The following UBE2D3 variants were observed in gnomAD, a reference collection of about 807,000 sequenced individuals.
The protein encoded by UBE2D3 is ubiquitin conjugating enzyme E2 D3.
A neutral mutation model predicts 22.8 loss-of-function variants in UBE2D3; 2 were observed. The ratio of observed to expected loss-of-function variants is 0.09; its 90% confidence interval spans 0.04 to 0.28. The LOEUF is 0.28. Among genes scored for constraint, UBE2D3 ranks in the 10% least tolerant of loss-of-function variants. The pLI is 1.00. For synonymous variants in UBE2D3, 56 were observed against 60.4 expected (o/e 0.93, Z 0.34); for missense variants, 27 against 182.5 (o/e 0.15, Z 4.91).
chr4:102,849,836 AG>A (rs1732251193), intron 1 of UBE2D3, among the ~76,000 whole-genome samples: 1 of 152,182 alleles, frequency 6.6e-6, no homozygotes. Flanking sequence ...GAGCAGTGAC[AG>A]GGGACGGGGG....
upstream of UBE2D3, among the ~76,000 whole-genome samples, chr4:102,828,635 C>G (rs66859883): frequency 6.6e-6 from 1 of 152,186 alleles, no homozygotes; most frequent in East Asian, 1.9e-4. Context: ...CAAACTTTAG[C>G]TTCTGTTGCT....
exon 1 of UBE2D3, chr4:102,868,839 G>A: frequency 6.3e-7 from 1 of 1,575,706 alleles, no homozygotes. Flanking sequence ...ACCTTCACAC[G>A]AGATTCCGAG....
At chr4:102,828,822 C>G (rs114278880), upstream of UBE2D3, among the ~76,000 whole-genome samples, 817 of 152,242 alleles carry the variant, frequency 5.4e-3, 6 homozygotes, top group African/African-American at 0.019. Context: ...CAGTTATGCT[C>G]TCTAGTGTAT....
chr4:102,825,499 GGAAA>G, intron 2 of UBE2D3: 1 of 1,148,574 alleles, frequency 8.7e-7, no homozygotes, highest in South Asian at 1.8e-5. Context: ...AGGAGATGCC[GGAAA>G]GAGCCTGAAC....
chr4:102,800,092 C>T (rs533074577), intron 6 of UBE2D3, among the ~76,000 whole-genome samples: 1 of 151,992 alleles, frequency 6.6e-6, no homozygotes, highest in African/African-American at 2.4e-5. Flanking sequence ...GTTCAACATA[C>T]TGATGTATAA....
chr4:102,844,392 C>T lies in UBE2D3; in HGVS notation c.-128-17756G>A, dbSNP rs187490881. On this transcript the variant is annotated intron_variant, in intron 1 of 7. Coordinates refer to the UBE2D3 transcript ENST00000338145. ...TGTGCCTGGCCAATCTCTGCAATTT[C>T]CTCAGGGATATAGCCCTGCTTTTCC... is the stretch of plus-strand genomic sequence containing the variant. Among the ~76,000 whole-genome samples the T allele has an allele frequency of 2.4e-3, 361 of 152,266 alleles. 2 individuals are homozygous for T. Among genetic ancestry groups the T allele is most frequent in the African/African-American group, 8.1e-3 (337 of 41,540 alleles).
At chr4:102,806,035 A>G (rs1726981026) in intron 4 of UBE2D3, among the ~76,000 whole-genome samples, 1 of 152,200 alleles carries the variant, frequency 6.6e-6, no homozygotes. Flanking sequence ...TCTTCAGCCT[A>G]GATTATGGCA....
At chr4:102,825,817 C>A in intron 2 of UBE2D3, 1 of 455,118 alleles carries the variant, frequency 2.2e-6, no homozygotes, top group Non-Finnish European at 4.4e-6. Flanking sequence ...ACATCAGTTC[C>A]CGGTGTCCCT....
At chr4:102,863,965 A>G (rs543628113) in intron 1 of UBE2D3, among the ~76,000 whole-genome samples, 1 of 152,216 alleles carries the variant, frequency 6.6e-6, no homozygotes, top group African/African-American at 2.4e-5. Flanking sequence ...GATCATGTAG[A>G]TCTAGACCAA....
intron 1 of UBE2D3, among the ~76,000 whole-genome samples, chr4:102,861,188 G>A (rs1184363699): frequency 6.6e-6 from 1 of 151,964 alleles, no homozygotes; most frequent in Admixed American, 6.6e-5. Context: ...ACTGAACTCT[G>A]CTGCCTTGGA....
chr4:102,831,163 A>G (rs929760829), upstream of UBE2D3, among the ~76,000 whole-genome samples: 1 of 152,200 alleles, frequency 6.6e-6, no homozygotes, highest in Non-Finnish European at 1.5e-5. Flanking sequence ...TGTAAATGCT[A>G]CGGTCCAGAT....
At chr4:102,864,874 G>A (rs1733074221) in intron 1 of UBE2D3, among the ~76,000 whole-genome samples, 1 of 152,180 alleles carries the variant, frequency 6.6e-6, no homozygotes, top group African/African-American at 2.4e-5. Flanking sequence ...CCCAGGATGT[G>A]TGGAAACCTG....
intron 1 of UBE2D3, among the ~76,000 whole-genome samples, chr4:102,858,890 ATAGT>A (rs1732751947): frequency 6.6e-6 from 1 of 151,944 alleles, no homozygotes; most frequent in African/African-American, 2.4e-5. Context: ...TACTGTAGCT[ATAGT>A]TATTTTTAAT....
intron 1 of UBE2D3, among the ~76,000 whole-genome samples, chr4:102,860,122 C>CCTCATTTAGGTGGAACACATCCTCTATT (rs1306417355): frequency 6.7e-6 from 1 of 148,600 alleles, no homozygotes. Flanking sequence ...ACTGGGATTA[C>CCTCATTTAGGTGGAACACATCCTCTATT]AGGCGTGAGC....
chr4:102,854,822 C>A lies in UBE2D3; in HGVS notation c.-129+13893G>T, dbSNP rs937437113. On this transcript the variant is annotated intron_variant, in intron 1 of 7. Transcript: ENST00000338145. ...GAAGCAAAAGCTTGAGGAATAAGAT[C>A]AAAAACTTAAGAGGAAACCATAGTT... Among the ~76,000 whole-genome samples the A allele has an allele frequency of 5.9e-5, 9 of 152,154 alleles. 1 individual carries two copies. Among genetic ancestry groups the A allele is most frequent in the Admixed American group, 5.2e-4 (8 of 15,280 alleles).
chr4:102,857,259 T>C (rs1455476328), intron 1 of UBE2D3, among the ~76,000 whole-genome samples: 1 of 152,254 alleles, frequency 6.6e-6, no homozygotes, highest in African/African-American at 2.4e-5. Flanking sequence ...CTTAAAGCTT[T>C]GTATAGAATA....
At chr4:102,818,777 C>A (rs753362849) in intron 2 of UBE2D3, among the ~76,000 whole-genome samples, 12 of 151,894 alleles carry the variant, frequency 7.9e-5, no homozygotes, top group Admixed American at 2.0e-4. Flanking sequence ...CTGAAACATT[C>A]CTTACATGAG....
chr4:102,819,198 C>T (rs958518078), intron 2 of UBE2D3, among the ~76,000 whole-genome samples: 29 of 151,910 alleles, frequency 1.9e-4, no homozygotes, highest in Non-Finnish European at 8.8e-5. Flanking sequence ...GGCATGATGG[C>T]GGGTGCCTGT....
intron 1 of UBE2D3, chr4:102,827,148 C>T: frequency 2.0e-6 from 2 of 986,824 alleles, no homozygotes; most frequent in Non-Finnish European, 2.4e-6. Flanking sequence ...CCACCGTACA[C>T]TCACTCCGCC....
Sources: gnomAD v4.1 joint callset for allele counts (sites outside exome capture counted in the v4.1 genomes callset) on GRCh38, gnomAD v4.1.1 for gene constraint, MANE v1.5 for transcripts, NCBI Gene and HGNC (gene_info 2026-07-23, HGNC 2026-07-21) for gene names.